The following MACROD2 variants were observed in gnomAD, a reference collection of about 807,000 sequenced individuals.
MACROD2 encodes the protein ADP-ribose glycohydrolase MACROD2.
Under a neutral mutation model 70.4 loss-of-function variants are expected in MACROD2, and 36 were observed. The ratio of observed to expected loss-of-function variants is 0.51; its 90% CI spans 0.39 to 0.68. The LOEUF is 0.68. Among genes scored for constraint, MACROD2 ranks in the 30% least tolerant of loss-of-function variants. The probability of loss-of-function intolerance (pLI) is 0.00; values close to 1 mark genes in which losing one functional copy is unlikely to be tolerated. For synonymous variants in MACROD2, 172 were observed against 178.8 expected (o/e 0.96, Z 0.30); for missense variants, 496 against 538.4 (o/e 0.92, Z 0.78).
At chr20:14,643,084 A>G (rs568056084) in intron 4 of MACROD2, among the ~76,000 whole-genome samples, 20 of 152,294 alleles carry the variant, frequency 1.3e-4, no homozygotes, top group African/African-American at 4.6e-4. Flanking sequence ...ACTGTTGCAT[A>G]ACAAAATATC....
chr20:14,946,901 A>G (rs1259085031), intron 5 of MACROD2, among the ~76,000 whole-genome samples: 1 of 152,204 alleles, frequency 6.6e-6, no homozygotes, highest in Non-Finnish European at 1.5e-5. Flanking sequence ...AAGTATGGAC[A>G]ATGTGTATTT....
intron 8 of MACROD2, among the ~76,000 whole-genome samples, chr20:15,525,853 C>G (rs994817714): frequency 3.3e-5 from 5 of 152,114 alleles, no homozygotes; most frequent in Non-Finnish European, 7.4e-5. Flanking sequence ...CTGGATACTC[C>G]TTATAGGGTA....
At chr20:15,132,006 CA>C (rs1356903795) in intron 5 of MACROD2, among the ~76,000 whole-genome samples, 13 of 151,904 alleles carry the variant, frequency 8.6e-5, no homozygotes, top group African/African-American at 2.9e-4. Context: ...AGATGTTACT[CA>C]TTGAATTAAA....
At chr20:15,718,029 T>C (rs1435657911) in intron 8 of MACROD2, among the ~76,000 whole-genome samples, 2 of 151,698 alleles carry the variant, frequency 1.3e-5, no homozygotes, top group Non-Finnish European at 2.9e-5. Context: ...TTTTTTTTTT[T>C]TTTTGTTTTG....
At chr20:14,846,864 C>A (rs2073147623) in intron 5 of MACROD2, among the ~76,000 whole-genome samples, 1 of 152,088 alleles carries the variant, frequency 6.6e-6, no homozygotes, top group Non-Finnish European at 1.5e-5. Context: ...AATTTTATTT[C>A]AGTTATAAAA....
At chr20:15,536,396 T>C (rs924454495) in intron 8 of MACROD2, among the ~76,000 whole-genome samples, 2 of 152,198 alleles carry the variant, frequency 1.3e-5, no homozygotes, top group African/African-American at 4.8e-5. Flanking sequence ...TCCATTATTC[T>C]AAGGGCCCTG....
intron 3 of MACROD2, among the ~76,000 whole-genome samples, chr20:14,156,085 CTGGAAAGCTGAGGCTGCAG>C (rs2055098101): frequency 6.6e-6 from 1 of 152,054 alleles, no homozygotes; most frequent in Non-Finnish European, 1.5e-5. Context: ...TTGCTTCAGC[CTGGAAAGCTGAGGCTGCAG>C]TGATCTGTGT....
intron 6 of MACROD2, among the ~76,000 whole-genome samples, chr20:15,355,105 CTATAA>C (rs1698956368): frequency 1.3e-5 from 2 of 152,160 alleles, no homozygotes; most frequent in African/African-American, 4.8e-5. Flanking sequence ...AACTGGAGTA[CTATAA>C]TACAATTCTG....
intron 3 of MACROD2, among the ~76,000 whole-genome samples, chr20:14,415,256 T>C (rs1273013327): frequency 6.6e-6 from 1 of 152,318 alleles, no homozygotes; most frequent in Admixed American, 6.5e-5. Context: ...GAATGTACTA[T>C]GAGTACAACT....
intron 4 of MACROD2, among the ~76,000 whole-genome samples, chr20:14,509,800 T>C: frequency 6.6e-6 from 1 of 152,104 alleles, no homozygotes; most frequent in South Asian, 2.1e-4. Context: ...TGTTAAGATT[T>C]CATGTTAATA....
intron 3 of MACROD2, among the ~76,000 whole-genome samples, chr20:14,249,140 T>A (rs1441503651): frequency 2.7e-5 from 4 of 149,992 alleles, no homozygotes; most frequent in African/African-American, 9.8e-5. Flanking sequence ...TTTTTTTTTT[T>A]TTTTTTTTTT....
chr20:14,256,451 A>G lies in MACROD2; in HGVS notation c.271+170723A>G, dbSNP rs1393323110. 3.3e-5 allele frequency among the ~76,000 whole-genome samples: 5 copies of G among 152,078 alleles called. 1 individual carries two copies. The highest frequency in any genetic ancestry group is 2.6e-4 in the Admixed American group (4 of 15,232). On this transcript the variant is annotated intron_variant, in intron 3 of 17. Coordinates refer to ENST00000684519, the MANE Select transcript of MACROD2 (RefSeq NM_001351661.2). ...ATACATGATTATTGATTTATATTAG[A>G]CATTTTTTTGTTTTAAAATTTAGCA...
intron 8 of MACROD2, among the ~76,000 whole-genome samples, chr20:15,573,752 C>T (rs2048407149): frequency 6.6e-6 from 1 of 152,110 alleles, no homozygotes; most frequent in South Asian, 2.1e-4. Flanking sequence ...TCCTGATACT[C>T]TCCCCACCAC....
chr20:14,969,551 G>A (rs1414242583), intron 5 of MACROD2, among the ~76,000 whole-genome samples: 2 of 151,976 alleles, frequency 1.3e-5, no homozygotes, highest in South Asian at 2.1e-4. Context: ...CTAGTAAAAT[G>A]TTGAGTCTCT....
intron 3 of MACROD2, among the ~76,000 whole-genome samples, chr20:14,203,855 G>T (rs1279069078): frequency 1.3e-5 from 2 of 152,128 alleles, no homozygotes; most frequent in African/African-American, 4.8e-5. Context: ...CAGTCCTTGG[G>T]CCTCCAGGTG....
intron 3 of MACROD2, among the ~76,000 whole-genome samples, chr20:14,298,507 G>A (rs1180934723): frequency 6.6e-6 from 1 of 151,084 alleles, no homozygotes; most frequent in Non-Finnish European, 1.5e-5. Flanking sequence ...GGCGGAGGTT[G>A]CAGTGACCCA....
intron 9 of MACROD2, among the ~76,000 whole-genome samples, chr20:15,872,228 C>G (rs552145982): frequency 6.6e-6 from 1 of 152,304 alleles, no homozygotes; most frequent in East Asian, 1.9e-4. Context: ...TTTCCTTCTT[C>G]TTCTTATCTC....
At chr20:14,026,265 C>T (rs978286673) in intron 2 of MACROD2, among the ~76,000 whole-genome samples, 4 of 152,330 alleles carry the variant, frequency 2.6e-5, no homozygotes, top group Admixed American at 2.0e-4. Flanking sequence ...CTCCTGAATA[C>T]AGCACACTGA....
chr20:14,689,141 C>G (rs1157244658), intron 5 of MACROD2, among the ~76,000 whole-genome samples: 1 of 152,140 alleles, frequency 6.6e-6, no homozygotes, highest in African/African-American at 2.4e-5. Context: ...TGCTGGATTT[C>G]TATTCTTCTA....
Sources: gnomAD v4.1 joint callset for allele counts (sites outside exome capture counted in the v4.1 genomes callset) on GRCh38, gnomAD v4.1.1 for gene constraint, MANE v1.5 for transcripts, NCBI Gene and HGNC (gene_info 2026-07-23, HGNC 2026-07-21) for gene names.